Variants in XKR9 observed in about 807,000 individuals in gnomAD.
XKR9 encodes the protein XK-related protein 9.
XKR9 carries 32 observed loss-of-function variants against 32.0 expected under a neutral mutation model. That is an observed-to-expected ratio of 1.00 (90% CI 0.76 to 1.34). XKR9 has a LOEUF of 1.34. Ranked by LOEUF, XKR9 falls within the 40% of genes most tolerant of loss-of-function variation. The pLI is 0.00. For synonymous variants in XKR9, 168 were observed against 143.4 expected (o/e 1.17, Z -1.22); for missense variants, 546 against 429.7 (o/e 1.27, Z -2.39).
intron 1 of XKR9, among the ~76,000 whole-genome samples, chr8:70,671,817 A>G (rs1330163165): frequency 2.7e-5 from 3 of 111,494 alleles, no homozygotes; most frequent in Admixed American, 8.8e-5. Flanking sequence ...TATCTAGAAA[A>G]CCCCATCGTC....
the XKR9 span, among the ~76,000 whole-genome samples, chr8:70,907,320 A>T: frequency 6.6e-6 from 1 of 152,180 alleles, no homozygotes; most frequent in East Asian, 1.9e-4. Context: ...GCTGTTCTGT[A>T]TAAAAGTTTG....
At chr8:70,821,946 A>G in the XKR9 span, among the ~76,000 whole-genome samples, 1 of 152,196 alleles carries the variant, frequency 6.6e-6, no homozygotes, top group Non-Finnish European at 1.5e-5. Flanking sequence ...TTACTTATGC[A>G]AATTTCTGCA....
At chr8:70,682,569 T>C (rs1382863150) in intron 3 of XKR9, among the ~76,000 whole-genome samples, 4 of 152,200 alleles carry the variant, frequency 2.6e-5, no homozygotes, top group Admixed American at 2.0e-4. Flanking sequence ...ACACATTGTA[T>C]ACAAAAGATG....
chr8:70,993,678 C>T, the XKR9 span, among the ~76,000 whole-genome samples: 1 of 149,412 alleles, frequency 6.7e-6, no homozygotes, highest in Non-Finnish European at 1.5e-5. Context: ...TCCTCCCATC[C>T]TTCCTTCCAC....
At chr8:70,958,786 C>A in the XKR9 span, among the ~76,000 whole-genome samples, 4 of 152,082 alleles carry the variant, frequency 2.6e-5, no homozygotes, top group African/African-American at 9.7e-5. Context: ...GGATTTAAAT[C>A]TTGTCTTTCA....
the XKR9 span, among the ~76,000 whole-genome samples, chr8:70,884,294 T>C: frequency 6.6e-6 from 1 of 152,132 alleles, no homozygotes; most frequent in African/African-American, 2.4e-5. Context: ...TTATTCAATA[T>C]GTTTTGCAAA....
chr8:70,943,949 T>C, the XKR9 span, among the ~76,000 whole-genome samples: 1 of 152,156 alleles, frequency 6.6e-6, no homozygotes, highest in Non-Finnish European at 1.5e-5. Context: ...CACATGTGAA[T>C]ATTTTTAAAA....
the XKR9 span, among the ~76,000 whole-genome samples, chr8:70,973,479 T>C: frequency 6.6e-6 from 1 of 152,200 alleles, no homozygotes; most frequent in Non-Finnish European, 1.5e-5. Flanking sequence ...TGATCTTTGT[T>C]ATTTTTTTCT....
the XKR9 span, among the ~76,000 whole-genome samples, chr8:70,800,640 C>A: frequency 2.6e-5 from 4 of 152,078 alleles, no homozygotes; most frequent in Non-Finnish European, 5.9e-5. Context: ...CAACTGTCAC[C>A]ACGCCCAGCT....
intron 2 of XKR9, among the ~76,000 whole-genome samples, chr8:70,785,480 A>T (rs1050140351): frequency 3.3e-5 from 5 of 150,976 alleles, no homozygotes; most frequent in African/African-American, 1.2e-4. Context: ...TAAACAATTA[A>T]ATTGTTTTTC....
chr8:70,878,288 C>G, the XKR9 span, among the ~76,000 whole-genome samples: 1 of 152,102 alleles, frequency 6.6e-6, no homozygotes, highest in African/African-American at 2.4e-5. Context: ...ATGAGAGGAT[C>G]AAAATCACAC....
chr8:70,700,837 C>T lies in XKR9; in HGVS notation c.273-6096C>T, dbSNP rs550985230. On this transcript the variant is annotated intron_variant, in intron 3 of 4. Coordinates refer to ENST00000408926, the MANE Select transcript of XKR9 (RefSeq NM_001011720.2). The stretch of plus-strand genomic sequence containing the variant: ...CCTCCTTGAGCTGTGCTGGGCTCCA[C>T]GCAGTTTGAGCTTCCCAGCTGCTTT... Among the ~76,000 whole-genome samples the T allele has an allele frequency of 3.7e-4, 57 of 152,330 alleles. No homozygotes were observed. The South Asian group carries it at 7.9e-3, about 21-fold the overall frequency.
At chr8:70,729,687 G>A (rs184003610) in intron 4 of XKR9, among the ~76,000 whole-genome samples, 66 of 152,052 alleles carry the variant, frequency 4.3e-4, no homozygotes, top group African/African-American at 1.5e-3. Flanking sequence ...TACCTCTGTG[G>A]TACACAATAA....
chr8:70,797,353 T>A, the XKR9 span, among the ~76,000 whole-genome samples: 1 of 152,130 alleles, frequency 6.6e-6, no homozygotes, highest in African/African-American at 2.4e-5. Context: ...TCCTCCGCAC[T>A]TTAGCTTAGG....
At chr8:70,979,069 A>C in the XKR9 span, among the ~76,000 whole-genome samples, 1 of 152,120 alleles carries the variant, frequency 6.6e-6, no homozygotes, top group Non-Finnish European at 1.5e-5. Context: ...TTCTCATGCC[A>C]TGGTTTTCAG....
At chr8:70,686,370 G>A (rs7824514) in intron 3 of XKR9, among the ~76,000 whole-genome samples, 48,057 of 150,638 alleles carry the variant, frequency 0.32, 9,018 homozygotes, top group Non-Finnish European at 0.43. Context: ...AGCCCCACAA[G>A]TAGCTGGGAC....
chr8:70,691,533 T>G lies in XKR9; in HGVS notation c.272+10203T>G, dbSNP rs118187250. Among the ~76,000 whole-genome samples, 1,264 of 152,342 alleles carry G rather than the reference T, an allele frequency of 8.3e-3. 6 individuals carry two copies. The highest frequency in any genetic ancestry group is 0.011 in the Non-Finnish European group (753 of 68,028). ...TTGCCTAGGTTGTCTTTCAGAGTAT[T>G]TTACAGCTTTGGGTTTTACATTTAA... On this transcript the variant is annotated intron_variant, in intron 3 of 4. Transcript: ENST00000408926.
At chr8:70,814,568 C>T in the XKR9 span, among the ~76,000 whole-genome samples, 103 of 150,602 alleles carry the variant, frequency 6.8e-4, no homozygotes, top group Non-Finnish European at 8.4e-4. Flanking sequence ...TGATAAAAAC[C>T]CTCAACAAAC....
chr8:70,879,362 TC>T, the XKR9 span, among the ~76,000 whole-genome samples: 1 of 151,468 alleles, frequency 6.6e-6, no homozygotes, highest in East Asian at 1.9e-4. Context: ...AAACAATGAA[TC>T]CAGGAGCTGG....
Sources: allele counts gnomAD v4.1 joint callset (sites outside exome capture counted in the v4.1 genomes callset), GRCh38; gene constraint gnomAD v4.1.1; transcripts MANE v1.5; gene names NCBI Gene and HGNC (gene_info 2026-07-23, HGNC 2026-07-21).